Variants in HUWE1 observed in about 807,000 individuals in gnomAD.
HUWE1 encodes HECT, UBA and WWE domain containing E3 ubiquitin protein ligase 1.
In HUWE1, 18 loss-of-function variants were observed where a neutral mutation model predicts 299.4. The observed-to-expected ratio is 0.06, with a 90% CI of 0.04 to 0.09. HUWE1 has a LOEUF of 0.09. Among genes scored for constraint, HUWE1 ranks in the 10% least tolerant of loss-of-function variants. HUWE1 has a pLI of 1.00. For synonymous variants in HUWE1, 1,317 were observed against 1,286.1 expected (o/e 1.02, Z -0.51); for missense variants, 1,832 against 3,462.3 (o/e 0.53, Z 11.82).
At chrX:53,587,410 A>G (rs984164474) in intron 37 of HUWE1, among the ~76,000 whole-genome samples, 5 of 112,666 alleles carry the variant, frequency 4.4e-5, no homozygotes, top group Non-Finnish European at 9.4e-5. Flanking sequence ...TAATTATTTA[A>G]ATAAATTAGA....
rs1199380115 is a variant in HUWE1 at position 53,684,063 on chromosome X, T to C, written c.-163+2207A>G. On this transcript the variant is annotated intron_variant, in intron 2 of 83. Coordinates refer to ENST00000262854, the MANE Select transcript of HUWE1 (RefSeq NM_031407.7). ...GACGGGAAAAGCCTGAGCCCAGCCC[T>C]TTCCAGACCCCTCCTCCCTCCCACC... The C allele has an allele frequency of 4.1e-5, 11 of 271,310 alleles. No homozygotes were observed. The Admixed American group carries it at 5.8e-4, about 14-fold the overall frequency. The allele number at this position is 271,310 out of a possible 1,213,427, so 22.4% of individuals were successfully genotyped here. A position where few individuals can be genotyped will look rare whatever the true frequency, so the allele number is the denominator to read the frequency against.
At position 53,600,321 on chromosome X, in the gene HUWE1, T is replaced by C; in HGVS notation, c.2972-12A>G. The C allele has an allele frequency of 1.7e-6, 2 of 1,164,826 alleles. No homozygotes were observed. The highest frequency in any genetic ancestry group is 2.3e-6 in the Non-Finnish European group (2 of 857,430). On this transcript the variant is annotated splice_polypyrimidine_tract_variant and intron_variant, in intron 28 of 83. Transcript: ENST00000262854. ...ATCCTGTTCCCCATCTACAGATGTATAAGAGGGGAGCAATAGGACAATGTA... is the reference window on the plus strand; with the variant it reads ...ATCCTGTTCCCCATCTACAGATGTACAAGAGGGGAGCAATAGGACAATGTA...
intron 7 of HUWE1, among the ~76,000 whole-genome samples, chrX:53,640,387 A>C (rs1379262741): frequency 8.9e-6 from 1 of 111,909 alleles, no homozygotes; most frequent in African/African-American, 3.2e-5. Context: ...AAATAAAAGA[A>C]GCCCACATGA....
intron 2 of HUWE1, among the ~76,000 whole-genome samples, chrX:53,682,374 C>G (rs1331931828): frequency 4.5e-5 from 5 of 111,680 alleles, no homozygotes; most frequent in Non-Finnish European, 9.4e-5. Context: ...ACCAGACCGC[C>G]GCCTATGACT....
chrX:53,584,182 A>G lies in HUWE1; in HGVS notation c.5161+4T>C, dbSNP rs1556970888. On this transcript the variant is annotated splice_donor_region_variant and intron_variant, in intron 41 of 83. Coordinates refer to ENST00000262854, the MANE Select transcript of HUWE1 (RefSeq NM_031407.7). ...GCTTTAGGTAAAACACTCTTGGTACATACCATTGCCTTTATTTTCTTTACG... is the reference window on the plus strand; with the variant it reads ...GCTTTAGGTAAAACACTCTTGGTACGTACCATTGCCTTTATTTTCTTTACG... The G allele has an allele frequency of 8.3e-7, 1 of 1,205,403 alleles. No individual in the cohort carries two copies. Among genetic ancestry groups the G allele is most frequent in the African/African-American group, 1.7e-5 (1 of 57,152 alleles).
chrX:53,547,875 G>C lies in HUWE1; in HGVS notation c.10434C>G (p.Ser3478Arg). 8.3e-7 allele frequency: 1 copy of C among 1,207,403 alleles called. No individual in the cohort carries two copies. The highest frequency in any genetic ancestry group is 1.1e-6 in the Non-Finnish European group (1 of 893,054). Residue 3478 changes from serine (S) to arginine (R), a missense_variant, in exon 68 of 84, where the codon AGC (serine) becomes AGG (arginine). Physicochemically the swap from Ser to Arg is moderately radical, Grantham distance 110 (BLOSUM62 -1). Around this residue, in one of 15 missense-constraint regions of HUWE1, gnomAD observed 119 missense variants for 124.6 expected, o/e 0.96. Transcript: ENST00000262854. ...TGGCAGTGGTGGTGGAGGAAGCACC[G>C]CTGCCAGAATTAGCCTGTGCTTCTG... is the stretch of plus-strand genomic sequence containing the variant. ...KVSEAQANSG[S>R]GASSTTTATS...
chrX:53,575,947 A>G (rs1556958366), intron 44 of HUWE1, among the ~76,000 whole-genome samples, 159 bp from the exon 45 acceptor site: 1 of 112,648 alleles, frequency 8.9e-6, no homozygotes, highest in African/African-American at 3.2e-5. Context: ...TCACCCTAAA[A>G]TTACAAAAAC....
intron 29 of HUWE1, among the ~76,000 whole-genome samples, chrX:53,599,628 T>G (rs2064711536): frequency 8.9e-6 from 1 of 112,368 alleles, no homozygotes; most frequent in Non-Finnish European, 1.9e-5. Context: ...CTCTTGCCAG[T>G]TATGTTCAAG....
intron 44 of HUWE1, among the ~76,000 whole-genome samples, chrX:53,576,557 T>A (rs976309632): frequency 1.8e-5 from 2 of 112,113 alleles, no homozygotes; most frequent in African/African-American, 6.5e-5. Context: ...TCTAAATCTT[T>A]GTTCATTCTT....
intron 3 of HUWE1, among the ~76,000 whole-genome samples, chrX:53,671,791 CAAAAAAAAA>C (rs60356592): frequency 3.5e-5 from 1 of 28,552 alleles, no homozygotes; most frequent in African/African-American, 1.1e-4. Flanking sequence ...GACTCCGTCT[CAAAAAAAAA>C]AAAAAAAAAA....
intron 52 of HUWE1, 51 bp downstream of exon 52, chrX:53,563,695 A>C (rs2062397774): frequency 8.5e-7 from 1 of 1,180,551 alleles, no homozygotes; most frequent in East Asian, 3.0e-5. Flanking sequence ...GGGTCCTCCC[A>C]AGAGAGACTG....
Position 53,608,906 on chromosome X carries a change from A to C in HUWE1, c.2265T>G (p.Val755=). 1 of 1,137,592 alleles carries C rather than the reference A, an allele frequency of 8.8e-7. No individual in the cohort carries two copies. 93.8% of individuals were successfully genotyped at this position (1,137,592 alleles called of 1,213,427 possible). ...QQNETEPNQQ[V]VGTEERIPIP... is the part of the protein sequence containing the mutation. Reference sequence around the variant, plus strand: ...TAGGAATACGTTCCTCTGTACCAACAACCCTGTTAGGGGAGAAAAGAGTGA... The same window carrying C: ...TAGGAATACGTTCCTCTGTACCAACCACCCTGTTAGGGGAGAAAAGAGTGA... The change falls in exon 24 of 84, where the codon GTT becomes GTG. Residue 755 remains valine (V), a synonymous_variant. Coordinates refer to ENST00000262854, the MANE Select transcript of HUWE1 (RefSeq NM_031407.7).
chrX:53,554,869 G>C lies in HUWE1; in HGVS notation c.8258C>G (p.Ala2753Gly), dbSNP rs782393027. The C allele has an allele frequency of 7.5e-6, 9 of 1,197,144 alleles. No homozygotes were observed. Among genetic ancestry groups the C allele is most frequent in the South Asian group, 3.7e-5 (2 of 54,700 alleles). Residue 2753 changes from alanine to glycine, a missense_variant, in exon 61 of 84, where the codon GCA becomes GGA. Ala to Gly is a moderately conservative substitution (Grantham distance 60, BLOSUM62 0). This residue lies in a region of HUWE1 where 143 missense variants were observed against 148.1 expected (regional missense o/e 0.97). Coordinates refer to ENST00000262854, the MANE Select transcript of HUWE1 (RefSeq NM_031407.7). ...SYPTTPSSTD[A>G]ATSESKETLG... is the part of the protein sequence containing the mutation. ...GGTCTCCTTGGACTCAGATGTAGCT[G>C]CATCAGTTGAAGATGGGGTTGTTGG...
rs201807820 is a variant in HUWE1, at chrX:53,547,792, G to A, written c.10517C>T (p.Thr3506Ile). 10 of 1,199,578 alleles carry A rather than the reference G, an allele frequency of 8.3e-6. No individual in the cohort carries two copies. In the East Asian group the frequency reaches 3.0e-4, roughly 36 times the overall value. The change falls in exon 68 of 84, where the codon ACT becomes ATT. Residue 3506 changes from threonine to isoleucine, a missense_variant. Thr to Ile is a moderately conservative substitution (Grantham distance 89). Transcript: ENST00000262854. ...AGCAGAAGTGACAGGGGTGGGTGCA[G>A]TAGGGGGTGTGGGCGTGGTGGAGGC... ...TAASTTPTPP[T>I]APTPVTSAPA...
At chrX:53,546,622 C>A in intron 69 of HUWE1, 30 bp from the exon 70 acceptor site, 3 of 1,209,043 alleles carry the variant, frequency 2.5e-6, no homozygotes, top group Non-Finnish European at 3.4e-6. Flanking sequence ...AGGAGTAAGC[C>A]CCAGCCTGAG....
rs1557021123 is a variant in HUWE1, at chrX:53,629,710, G to A, written c.863-94C>T. On this transcript the variant is annotated intron_variant, in intron 12 of 83. Transcript: ENST00000262854. The stretch of plus-strand genomic sequence containing the variant: ...TTTGGTATCTATAGGTTCTGGGGAA[G>A]AATTCCATTCCCAACCAGCAATGGA... 1.5e-5 allele frequency: 8 copies of A among 540,078 alleles called. No homozygotes were observed. In the Middle Eastern group the frequency reaches 1.7e-3, roughly 113 times the overall value. The allele number at this position is 540,078 out of a possible 1,213,427, so 44.5% of individuals were successfully genotyped here. A position where few individuals can be genotyped will look rare whatever the true frequency, so the allele number is the denominator to read the frequency against.
intron 67 of HUWE1, 152 bp from the exon 68 acceptor site, chrX:53,548,425 C>G (rs1297701432): frequency 4.6e-6 from 3 of 653,123 alleles, no homozygotes; most frequent in African/African-American, 4.3e-5. Context: ...ATCCAACAGA[C>G]AGTAAAGCAG....
chrX:53,572,648 C>G (rs2062889702), intron 47 of HUWE1, among the ~76,000 whole-genome samples: 1 of 112,039 alleles, frequency 8.9e-6, no homozygotes, highest in African/African-American at 3.3e-5. Flanking sequence ...CTTAAAAAAT[C>G]TAACCTGAGG....
chrX:53,684,205 G>C (rs1409861309), intron 2 of HUWE1: 5 of 224,815 alleles, frequency 2.2e-5, no homozygotes, highest in Non-Finnish European at 4.1e-5. Flanking sequence ...CATGCGTTGA[G>C]AACTATCGCG....
Sources: allele counts gnomAD v4.1 joint callset (sites outside exome capture counted in the v4.1 genomes callset), GRCh38; gene constraint gnomAD v4.1.1; regional missense constraint gnomAD v4.1.1; transcripts MANE v1.5; gene names NCBI Gene and HGNC (gene_info 2026-07-23, HGNC 2026-07-21).